PTPRE: variants seen among roughly 807,000 people sequenced by gnomAD.
PTPRE encodes the protein receptor-type tyrosine-protein phosphatase epsilon.
In PTPRE, 51 loss-of-function variants were observed where a neutral mutation model predicts 102.0. The ratio of observed to expected loss-of-function variants is 0.50; its 90% confidence interval spans 0.40 to 0.63. PTPRE has a LOEUF of 0.63. Among genes scored for constraint, PTPRE ranks in the 30% least tolerant of loss-of-function variants. PTPRE has a pLI of 0.00. For missense variants in PTPRE, 752 were observed against 915.1 expected, an observed-to-expected ratio of 0.82 and a Z score of 2.30; for synonymous variants, 345 against 348.2, an observed-to-expected ratio of 0.99 and a Z score of 0.10.
chr10:128,034,527 T>A (rs1847050016), intron 2 of PTPRE, among the ~76,000 whole-genome samples: 1 of 151,086 alleles, frequency 6.6e-6, no homozygotes. Flanking sequence ...CCCCCCATCT[T>A]TACGAAAAAA....
At chr10:128,040,689 G>A (rs1293591189) in intron 2 of PTPRE, among the ~76,000 whole-genome samples, 186 bp from the exon 3 acceptor site, 2 of 152,186 alleles carry the variant, frequency 1.3e-5, no homozygotes, top group Non-Finnish European at 2.9e-5. Context: ...TCCACAGTCA[G>A]TGACTGTATC....
chr10:128,078,511 G>A (rs1851424322), intron 19 of PTPRE, among the ~76,000 whole-genome samples: 1 of 152,158 alleles, frequency 6.6e-6, no homozygotes, highest in Non-Finnish European at 1.5e-5. Context: ...TCTATCCTTG[G>A]GTGGTGCTAA....
chr10:127,931,068 G>A (rs1376215508), intron 1 of PTPRE, among the ~76,000 whole-genome samples: 2 of 152,084 alleles, frequency 1.3e-5, no homozygotes, highest in Non-Finnish European at 2.9e-5. Flanking sequence ...TGGGATTGCA[G>A]GCATGAGCCA....
intron 2 of PTPRE, among the ~76,000 whole-genome samples, chr10:127,985,372 C>CAGG (rs1851997752): frequency 6.6e-6 from 1 of 152,230 alleles, no homozygotes; most frequent in South Asian, 2.1e-4. Context: ...CATTTGAGAT[C>CAGG]AGGAGTTCAA....
At chr10:128,064,925 C>G (rs1366327546) in intron 10 of PTPRE, among the ~76,000 whole-genome samples, 3 of 152,138 alleles carry the variant, frequency 2.0e-5, no homozygotes, top group Non-Finnish European at 2.9e-5. Flanking sequence ...GGGTATAAAA[C>G]CAGCCACCAA....
chr10:128,085,385 T>G lies in PTPRE; in HGVS notation c.*2479T>G, dbSNP rs2136109522. 1 of 230,196 alleles carries G rather than the reference T, an allele frequency of 4.3e-6. No individual in the cohort carries two copies. Among genetic ancestry groups the G allele is most frequent in the African/African-American group, 2.2e-5 (1 of 44,900 alleles). 14.3% of individuals were successfully genotyped at this position (230,196 alleles called of 1,614,324 possible). A position where few individuals can be genotyped will look rare whatever the true frequency, so the allele number is the denominator to read the frequency against. ...TTGTTCCTTTCACACTTTCCTTTGT[T>G]GCATGCAGTTGGGTTCAAATGCCAA... On this transcript the variant is annotated 3_prime_UTR_variant, in exon 21 of 21. Transcript: ENST00000254667.
intron 2 of PTPRE, among the ~76,000 whole-genome samples, chr10:128,040,473 G>C (rs1340010956): frequency 6.6e-6 from 1 of 152,122 alleles, no homozygotes; most frequent in Non-Finnish European, 1.5e-5. Flanking sequence ...GAATGGGAGG[G>C]GTAGAGTTAG....
chr10:127,995,434 A>G (rs542380743), intron 2 of PTPRE, among the ~76,000 whole-genome samples: 23 of 152,278 alleles, frequency 1.5e-4, no homozygotes, highest in Non-Finnish European at 3.2e-4. Context: ...TACTAAATGT[A>G]TCCAGAAGCC....
intron 2 of PTPRE, among the ~76,000 whole-genome samples, chr10:127,991,806 T>A (rs7895543): frequency 0.32 from 48,717 of 151,944 alleles, 8,017 homozygotes; most frequent in Non-Finnish European, 0.36. Context: ...TCCTTTCTGA[T>A]CCATAATCTT....
intron 3 of PTPRE, among the ~76,000 whole-genome samples, chr10:128,045,328 C>A (rs1481085847): frequency 2.0e-5 from 3 of 152,364 alleles, no homozygotes; most frequent in Non-Finnish European, 4.4e-5. Flanking sequence ...CCACGGAGGG[C>A]TGGTGGGGCC....
At chr10:128,017,983 G>T (rs911443726) in intron 2 of PTPRE, among the ~76,000 whole-genome samples, 1 of 152,246 alleles carries the variant, frequency 6.6e-6, no homozygotes, top group Non-Finnish European at 1.5e-5. Context: ...TAAAGTACCC[G>T]GCAGGAGCCC....
At chr10:128,027,053 A>C (rs186835059) in intron 2 of PTPRE, among the ~76,000 whole-genome samples, 1 of 152,332 alleles carries the variant, frequency 6.6e-6, no homozygotes, top group Admixed American at 6.5e-5. Context: ...AGACGCAGAG[A>C]GGGTCAACCC....
intron 6 of PTPRE, among the ~76,000 whole-genome samples, chr10:128,050,918 T>C (rs1848517609): frequency 6.6e-6 from 1 of 152,260 alleles, no homozygotes; most frequent in African/African-American, 2.4e-5. Context: ...TGGTGGCCCA[T>C]GTAAACTGTA....
intron 2 of PTPRE, among the ~76,000 whole-genome samples, chr10:128,005,336 G>A (rs1438587834): frequency 6.6e-6 from 1 of 152,122 alleles, no homozygotes; most frequent in Admixed American, 6.5e-5. Flanking sequence ...CGTATACCCA[G>A]AGAGAAAGGC....
chr10:128,067,158 ACT>A (rs1329526195), intron 11 of PTPRE, among the ~76,000 whole-genome samples: 2 of 147,920 alleles, frequency 1.4e-5, no homozygotes, highest in Non-Finnish European at 3.0e-5. Context: ...CACACACCCC[ACT>A]CACATGCACA....
chr10:128,071,252 C>T (rs866409055), intron 15 of PTPRE: 1 of 330,058 alleles, frequency 3.0e-6, no homozygotes, highest in African/African-American at 2.1e-5. Context: ...TCCTTGTCTC[C>T]CCAAGCCTGG....
intron 1 of PTPRE, among the ~76,000 whole-genome samples, chr10:127,915,946 C>T (rs573487009): frequency 1.3e-5 from 2 of 151,476 alleles, no homozygotes; most frequent in South Asian, 4.2e-4. Flanking sequence ...ACTGTAAGCC[C>T]AGGAGCATCC....
At chr10:128,029,816 A>T (rs1258924875) in intron 2 of PTPRE, among the ~76,000 whole-genome samples, 1 of 152,206 alleles carries the variant, frequency 6.6e-6, no homozygotes, top group Non-Finnish European at 1.5e-5. Context: ...CTGGGGTCTT[A>T]GGGGCCGCCA....
intron 1 of PTPRE, among the ~76,000 whole-genome samples, chr10:127,929,016 T>C (rs963377567): frequency 1.3e-5 from 2 of 152,242 alleles, no homozygotes; most frequent in African/African-American, 2.4e-5. Flanking sequence ...ACCTCATTAA[T>C]TGTAAGCCCA....
Sources: allele counts gnomAD v4.1 joint callset (sites outside exome capture counted in the v4.1 genomes callset), GRCh38; gene constraint gnomAD v4.1.1; transcripts MANE v1.5; gene names NCBI Gene and HGNC (gene_info 2026-07-23, HGNC 2026-07-21).